PLA2R1: variants seen among roughly 807,000 people sequenced by gnomAD.
PLA2R1 encodes phospholipase A2 receptor 1, also known as secretory phospholipase A2 receptor.
A neutral mutation model predicts 195.9 loss-of-function variants in PLA2R1; 158 were observed. The observed-to-expected ratio is 0.81, with a 90% CI of 0.71 to 0.92. PLA2R1 has a LOEUF of 0.92. PLA2R1 is among the 40% of genes least tolerant of loss of function. The probability of loss-of-function intolerance (pLI) is 0.00; values close to 1 mark genes in which losing one functional copy is unlikely to be tolerated. For missense variants in PLA2R1, 1,626 were observed against 1,764.6 expected (o/e 0.92, Z 1.41); for synonymous variants, 586 against 598.2 (o/e 0.98, Z 0.30).
intron 3 of PLA2R1, among the ~76,000 whole-genome samples, chr2:160,034,097 T>C (rs190783565): frequency 9.2e-5 from 14 of 152,250 alleles, no homozygotes; most frequent in African/African-American, 3.1e-4. Flanking sequence ...TTCAAGGCTC[T>C]GAGAAGTTCT....
Position 159,932,337 on chromosome 2 carries a change from A to G in PLA2R1, c.*9441T>C, listed in dbSNP as rs952250399. ...GAAGGAAACAATTCCTTGTCTGATC[A>G]GAGGAGCCCTTGCTTAAGGACTGCC... On this transcript the variant is annotated 3_prime_UTR_variant, in exon 30 of 30. Transcript: ENST00000283243. 2 of 152,274 alleles carry G rather than the reference A, an allele frequency of 1.3e-5. No individual in the cohort carries two copies. Among genetic ancestry groups the G allele is most frequent in the African/African-American group, 4.8e-5 (2 of 41,436 alleles). 9.4% of individuals were successfully genotyped at this position (152,274 alleles called of 1,614,324 possible). A position where few individuals can be genotyped will look rare whatever the true frequency, so the allele number is the denominator to read the frequency against.
rs1330751266 is a variant in PLA2R1, at chr2:160,042,143, C to T, written c.549G>A (p.Gln183=). 1.2e-6 allele frequency: 2 copies of T among 1,614,028 alleles called. No homozygotes were observed. Among genetic ancestry groups the T allele is most frequent in the Non-Finnish European group, 8.5e-7 (1 of 1,179,964 alleles). The change falls in exon 3 of 30, where the codon CAG becomes CAA. Residue 183 remains glutamine (Q), a synonymous_variant. Coordinates refer to ENST00000283243, the MANE Select transcript of PLA2R1 (RefSeq NM_007366.5). ...ATTCATGATGCCACTGATGGTTATA[C>T]TGGAAGGGAAACATACACGGCATCC... ...THGMPCMFPF[Q]YNHQWHHECT... is the part of the protein sequence containing the mutation.
chr2:160,020,314 A>C (rs1693025442), intron 7 of PLA2R1, 51 bp from the exon 8 acceptor site: 1 of 1,306,374 alleles, frequency 7.7e-7, no homozygotes, highest in Admixed American at 1.9e-5. Context: ...TTTGCAAAGG[A>C]GATAACACCC....
downstream of PLA2R1, among the ~76,000 whole-genome samples, chr2:159,928,759 A>C (rs1472513834): frequency 2.0e-5 from 3 of 152,182 alleles, no homozygotes; most frequent in Non-Finnish European, 4.4e-5. Flanking sequence ...TCAAACTATA[A>C]GGCCATAGTC....
chr2:160,018,665 CAAACAT>C (rs1692917453), intron 8 of PLA2R1, among the ~76,000 whole-genome samples: 7 of 127,512 alleles, frequency 5.5e-5, no homozygotes, highest in Non-Finnish European at 8.8e-5. Context: ...AACAAACAAA[CAAACAT>C]TGTGGTGGAT....
At chr2:159,998,230 C>T (rs1364484719) in intron 11 of PLA2R1, among the ~76,000 whole-genome samples, 2 of 152,206 alleles carry the variant, frequency 1.3e-5, no homozygotes, top group Admixed American at 6.5e-5. Context: ...TAAAATCCTG[C>T]AAATTATTTC....
chr2:160,062,262 T>G, intron 1 of PLA2R1, 33 bp downstream of exon 1: 3 of 1,236,486 alleles, frequency 2.4e-6, no homozygotes, highest in African/African-American at 1.7e-5. Context: ...CTCCCCAACG[T>G]ACCGATCCAG....
intron 20 of PLA2R1, among the ~76,000 whole-genome samples, chr2:159,964,437 G>T (rs1045936952): frequency 6.6e-6 from 1 of 152,140 alleles, no homozygotes; most frequent in Non-Finnish European, 1.5e-5. Flanking sequence ...ATTGCCAAAG[G>T]TTTTAATAAA....
At chr2:160,042,677 A>C (rs896041796) in intron 2 of PLA2R1, among the ~76,000 whole-genome samples, 40 of 152,302 alleles carry the variant, frequency 2.6e-4, no homozygotes, top group African/African-American at 9.4e-4. Context: ...CTTTATGTGG[A>C]ACTTCTATCA....
intron 6 of PLA2R1, 67 bp downstream of exon 6, chr2:160,028,151 G>T (rs1002441847): frequency 6.6e-6 from 7 of 1,062,010 alleles, no homozygotes; most frequent in Non-Finnish European, 9.6e-6. Flanking sequence ...AAAAAATAGA[G>T]AAATTTACAT....
chr2:160,034,931 T>C (rs897627915), intron 3 of PLA2R1, among the ~76,000 whole-genome samples: 1 of 152,134 alleles, frequency 6.6e-6, no homozygotes, highest in African/African-American at 2.4e-5. Context: ...AAGTAGAAAA[T>C]TCGACACCTG....
rs139254360 is a variant in PLA2R1 at position 160,038,567 on chromosome 2, T to G, written c.667+3458A>C. 5.9e-5 allele frequency among the ~76,000 whole-genome samples: 9 copies of G among 152,218 alleles called. No homozygotes were observed. In the East Asian group the frequency reaches 1.7e-3, roughly 29 times the overall value. ...GCGCATAGAAGGGAGGAAATAAAGA[T>G]GGGCACAGATGCAGGTAGGCTTAAA... On this transcript the variant is annotated intron_variant, in intron 3 of 29. Transcript: ENST00000283243.
chr2:160,050,231 T>C (rs951603709), intron 1 of PLA2R1, among the ~76,000 whole-genome samples: 1 of 152,194 alleles, frequency 6.6e-6, no homozygotes, highest in African/African-American at 2.4e-5. Context: ...ATGTCACATG[T>C]GAGGTGGACA....
chr2:159,977,664 A>G (rs1689665497), intron 14 of PLA2R1, among the ~76,000 whole-genome samples: 1 of 152,156 alleles, frequency 6.6e-6, no homozygotes, highest in Non-Finnish European at 1.5e-5. Flanking sequence ...AAGGCCAGGC[A>G]CGGTGGCTCA....
At chr2:159,955,070 A>T (rs1443547139) in intron 23 of PLA2R1, 129 bp downstream of exon 23, 3 of 665,020 alleles carry the variant, frequency 4.5e-6, no homozygotes, top group Non-Finnish European at 7.8e-6. Flanking sequence ...GTAAAGCCAA[A>T]GAAGAAGTGC....
intron 15 of PLA2R1, among the ~76,000 whole-genome samples, 186 bp from the exon 16 acceptor site, chr2:159,976,906 T>G (rs1243305214): frequency 6.6e-6 from 1 of 152,206 alleles, no homozygotes; most frequent in Non-Finnish European, 1.5e-5. Flanking sequence ...CCAGAGAGGC[T>G]TCTAATTAAA....
chr2:160,000,539 T>C (rs1445872915), intron 11 of PLA2R1, among the ~76,000 whole-genome samples: 1 of 151,890 alleles, frequency 6.6e-6, no homozygotes, highest in Non-Finnish European at 1.5e-5. Flanking sequence ...CAAAGAAAAA[T>C]CAGTAGTTCT....
chr2:159,981,362 T>G (rs1454309811), intron 13 of PLA2R1, among the ~76,000 whole-genome samples: 1 of 152,158 alleles, frequency 6.6e-6, no homozygotes, highest in African/African-American at 2.4e-5. Context: ...CAGATTTGAC[T>G]GAATTCTCTG....
In PLA2R1 at chr2:159,969,286, G is replaced by C; in HGVS notation, c.2734C>G (p.Gln912Glu). 6.2e-7 allele frequency: 1 copy of C among 1,604,506 alleles called. No homozygotes were observed. The highest frequency in any genetic ancestry group is 8.5e-7 in the Non-Finnish European group (1 of 1,171,726). ...ATAGAAGAAATAAAGCCACATCTCT[G>C]GCTCTGATTATTCACAGTTCTTTCT... ...GRERTVNNQS[Q>E]RCGFISSITG... is the part of the protein sequence containing the mutation. Residue 912 changes from glutamine (Q) to glutamate (E), a missense_variant, in exon 19 of 30, where the codon CAG becomes GAG. Transcript: ENST00000283243.
Sources: gnomAD v4.1 joint callset for allele counts (sites outside exome capture counted in the v4.1 genomes callset) on GRCh38, gnomAD v4.1.1 for gene constraint, MANE v1.5 for transcripts, NCBI Gene and HGNC (gene_info 2026-07-23, HGNC 2026-07-21) for gene names.